ROBO1: variants seen among roughly 807,000 people sequenced by gnomAD.
ROBO1 encodes the protein roundabout homolog 1.
In ROBO1, 149 loss-of-function variants were observed where a neutral mutation model predicts 195.9. The ratio of observed to expected loss-of-function variants is 0.76; its 90% CI spans 0.67 to 0.87. The LOEUF (loss-of-function observed/expected upper bound fraction) is 0.87. ROBO1 is among the 40% of genes least tolerant of loss of function. The pLI is 0.00. For missense variants in ROBO1, 1,933 were observed against 2,068.3 expected (o/e 0.93, Z 1.27); for synonymous variants, 816 against 733.2 (o/e 1.11, Z -1.82).
At chr3:78,989,707 GT>G (rs1362894042) in intron 3 of ROBO1, among the ~76,000 whole-genome samples, 7 of 152,166 alleles carry the variant, frequency 4.6e-5, no homozygotes, top group African/African-American at 1.7e-4. Flanking sequence ...AGTTTTCTCA[GT>G]GGGAAAGAAA....
At chr3:79,062,963 C>G (rs2078946364) in intron 3 of ROBO1, among the ~76,000 whole-genome samples, 1 of 151,836 alleles carries the variant, frequency 6.6e-6, no homozygotes, top group African/African-American at 2.4e-5. Context: ...CACATGTACC[C>G]TAGAACTTAA....
chr3:79,003,732 G>C (rs1381076434), intron 3 of ROBO1, among the ~76,000 whole-genome samples: 9 of 152,082 alleles, frequency 5.9e-5, no homozygotes, highest in Non-Finnish European at 1.3e-4. Context: ...TTCAAACCTA[G>C]GTATTTTAAC....
intron 1 of ROBO1, among the ~76,000 whole-genome samples, chr3:79,667,098 G>A (rs1172210786): frequency 6.6e-6 from 1 of 151,704 alleles, no homozygotes; most frequent in Non-Finnish European, 1.5e-5. Context: ...TAGATTACAC[G>A]TGTCACTCTG....
At chr3:79,497,603 T>C (rs1679333736) in intron 2 of ROBO1, among the ~76,000 whole-genome samples, 1 of 152,012 alleles carries the variant, frequency 6.6e-6, no homozygotes, top group African/African-American at 2.4e-5. Flanking sequence ...ATTAAGTAAA[T>C]GACATTTATT....
chr3:79,706,551 T>G (rs932848154), intron 1 of ROBO1, among the ~76,000 whole-genome samples: 1 of 152,084 alleles, frequency 6.6e-6, no homozygotes, highest in Non-Finnish European at 1.5e-5. Context: ...ATCTTGATCT[T>G]TTGTTGTGGG....
At chr3:79,001,837 A>C (rs2077511773) in intron 3 of ROBO1, among the ~76,000 whole-genome samples, 1 of 152,184 alleles carries the variant, frequency 6.6e-6, no homozygotes, top group Non-Finnish European at 1.5e-5. Flanking sequence ...TTTATGGAAA[A>C]AATAATCAAT....
chr3:79,152,405 A>T (rs1409691423), intron 2 of ROBO1, among the ~76,000 whole-genome samples: 1 of 151,822 alleles, frequency 6.6e-6, no homozygotes, highest in Non-Finnish European at 1.5e-5. Context: ...GACAGAGAAA[A>T]GACTAAGGTG....
intron 2 of ROBO1, among the ~76,000 whole-genome samples, chr3:79,307,989 T>C (rs114246920): frequency 0.025 from 3,783 of 152,302 alleles, 82 homozygotes; most frequent in Middle Eastern, 0.037. Flanking sequence ...TTGAGTGTCC[T>C]GCTTATAGGT....
chr3:79,276,495 T>G (rs2031046031), intron 2 of ROBO1, among the ~76,000 whole-genome samples: 1 of 152,012 alleles, frequency 6.6e-6, no homozygotes, highest in Non-Finnish European at 1.5e-5. Context: ...GACTTAAATC[T>G]AAGACCTCAA....
Position 79,458,616 on chromosome 3 carries a change from C to T in ROBO1, c.88+131208G>A, listed in dbSNP as rs749315055. Among the ~76,000 whole-genome samples, 19 of 151,516 alleles carry T rather than the reference C, an allele frequency of 1.3e-4. No homozygotes were observed. In the East Asian group the frequency reaches 2.3e-3, roughly 19 times the overall value. ...AAAAAAGGAGAAAAAAGCAAAAATA[C>T]GAATCTAAGAAAAAATATATGGAGA... On this transcript the variant is annotated intron_variant, in intron 2 of 30. Coordinates refer to ENST00000464233, the MANE Select transcript of ROBO1 (RefSeq NM_002941.4).
chr3:79,606,169 AAATGC>A (rs1299734395), intron 1 of ROBO1, among the ~76,000 whole-genome samples: 1 of 151,894 alleles, frequency 6.6e-6, no homozygotes, highest in Non-Finnish European at 1.5e-5. Context: ...AAAAAAATCC[AAATGC>A]AATGCGCTAT....
chr3:79,070,422 A>G (rs2079068693), intron 3 of ROBO1, among the ~76,000 whole-genome samples: 1 of 151,886 alleles, frequency 6.6e-6, no homozygotes, highest in Non-Finnish European at 1.5e-5. Context: ...TAGAGTATTT[A>G]TTTCACACTT....
At chr3:79,430,219 A>T (rs2038620960) in intron 2 of ROBO1, among the ~76,000 whole-genome samples, 1 of 152,142 alleles carries the variant, frequency 6.6e-6, no homozygotes, top group Non-Finnish European at 1.5e-5. Context: ...TATCTTAAAC[A>T]TGTAAGTGTA....
At chr3:79,114,004 C>T (rs2079943190) in intron 3 of ROBO1, among the ~76,000 whole-genome samples, 1 of 152,170 alleles carries the variant, frequency 6.6e-6, no homozygotes, top group Non-Finnish European at 1.5e-5. Flanking sequence ...TTCACCCATA[C>T]TGTTCTCATG....
chr3:78,682,858 T>G (rs568811252), intron 10 of ROBO1, among the ~76,000 whole-genome samples: 1 of 151,558 alleles, frequency 6.6e-6, no homozygotes, highest in African/African-American at 2.4e-5. Context: ...GTCCAGCAAC[T>G]TTGCTAAATT....
chr3:79,032,794 T>C (rs2078319234), intron 3 of ROBO1, among the ~76,000 whole-genome samples: 2 of 152,158 alleles, frequency 1.3e-5, no homozygotes, highest in African/African-American at 2.4e-5. Context: ...GAAATAGAAG[T>C]TGATAGCAGG....
chr3:78,859,947 C>T (rs1032943867), intron 4 of ROBO1, among the ~76,000 whole-genome samples: 6 of 151,930 alleles, frequency 3.9e-5, no homozygotes, highest in East Asian at 3.9e-4. Context: ...GGCGTGGTGG[C>T]GGACGCCTGT....
intron 2 of ROBO1, among the ~76,000 whole-genome samples, chr3:79,587,098 G>A (rs916699543): frequency 6.6e-6 from 1 of 151,706 alleles, no homozygotes; most frequent in Non-Finnish European, 1.5e-5. Flanking sequence ...TCAACAATAA[G>A]AGTATTCCTT....
intron 2 of ROBO1, among the ~76,000 whole-genome samples, chr3:79,549,368 T>C (rs534630741): frequency 1.0e-3 from 159 of 152,286 alleles, no homozygotes; most frequent in African/African-American, 3.7e-3. Flanking sequence ...AATGAGGACA[T>C]GGCATCTTAT....
Sources: allele counts gnomAD v4.1 joint callset (sites outside exome capture counted in the v4.1 genomes callset), GRCh38; gene constraint gnomAD v4.1.1; transcripts MANE v1.5; gene names NCBI Gene and HGNC (gene_info 2026-07-23, HGNC 2026-07-21).